SASH1: variants seen among roughly 807,000 people sequenced by gnomAD.
The protein encoded by SASH1 is SAM and SH3 domain-containing protein 1.
In SASH1, 44 loss-of-function variants were observed where a neutral mutation model predicts 125.2. The observed-to-expected ratio is 0.35, with a 90% CI of 0.28 to 0.45. SASH1 has a LOEUF of 0.45. SASH1 is among the 20% of genes least tolerant of loss of function. SASH1 has a pLI of 1.00. For missense variants in SASH1, 1,426 were observed against 1,614.5 expected, an observed-to-expected ratio of 0.88 and a Z score of 2.00; for synonymous variants, 639 against 649.1, an observed-to-expected ratio of 0.98 and a Z score of 0.24.
chr6:148,526,798 ATTCGG>A (rs1781190803), intron 11 of SASH1, among the ~76,000 whole-genome samples: 1 of 152,074 alleles, frequency 6.6e-6, no homozygotes, highest in African/African-American at 2.4e-5. Flanking sequence ...TCTCCAGGCA[ATTCGG>A]TAGTATTATC....
chr6:148,472,816 C>T (rs975277636), intron 6 of SASH1, among the ~76,000 whole-genome samples: 7 of 152,178 alleles, frequency 4.6e-5, no homozygotes, highest in African/African-American at 1.7e-4. Flanking sequence ...AGACTCTTTC[C>T]CTCTGTCTCT....
chr6:148,519,422 A>T lies in SASH1; in HGVS notation c.863-125A>T. Reference sequence around the variant, plus strand: ...ACAGTGTATTTTCATTTTTCTGTACATATGTAAGTGGGAGCTGGGTTTATA... The same window carrying T: ...ACAGTGTATTTTCATTTTTCTGTACTTATGTAAGTGGGAGCTGGGTTTATA... On this transcript the variant is annotated intron_variant, in intron 9 of 19. Coordinates refer to ENST00000367467, the MANE Select transcript of SASH1 (RefSeq NM_015278.5). The surrounding 1 kb of genome is among the most constrained non-coding windows in gnomAD (Gnocchi z 4.8). 1.5e-6 allele frequency: 1 copy of T among 664,416 alleles called. No homozygotes were observed. The highest frequency in any genetic ancestry group is 2.6e-6 in the Non-Finnish European group (1 of 378,046). The allele number at this position is 664,416 out of a possible 1,614,324, so 41.2% of individuals were successfully genotyped here.
upstream of SASH1, among the ~76,000 whole-genome samples, chr6:148,268,310 A>C (rs1385670963): frequency 6.6e-6 from 1 of 152,196 alleles, no homozygotes. Context: ...ACACAACTAA[A>C]TTTTTATTAT....
At chr6:148,521,588 A>C (rs1780814312) in intron 10 of SASH1, among the ~76,000 whole-genome samples, 1 of 152,218 alleles carries the variant, frequency 6.6e-6, no homozygotes, top group Non-Finnish European at 1.5e-5. Flanking sequence ...CAGCACTTTT[A>C]ATACTACTAG....
chr6:148,476,439 T>G (rs1339476852), intron 7 of SASH1, among the ~76,000 whole-genome samples: 2 of 152,190 alleles, frequency 1.3e-5, no homozygotes. Context: ...TCTTACACTT[T>G]GGGAGGCCGA....
chr6:148,212,427 G>A, the SASH1 span, among the ~76,000 whole-genome samples: 1 of 152,146 alleles, frequency 6.6e-6, no homozygotes, highest in South Asian at 2.1e-4. Context: ...ACCAACAATT[G>A]TTGACAAAAG....
chr6:148,353,182 C>A lies in SASH1; in HGVS notation c.156+9959C>A, dbSNP rs563215933. Reference sequence around the variant, plus strand: ...TCCCTGTGCTCAAGGGATTCACCTGCCTCAGCCTCCCAGTAGCTGAGACTA... The same window carrying A: ...TCCCTGTGCTCAAGGGATTCACCTGACTCAGCCTCCCAGTAGCTGAGACTA... On this transcript the variant is annotated intron_variant, in intron 1 of 19. Coordinates refer to ENST00000367467, the MANE Select transcript of SASH1 (RefSeq NM_015278.5). Among the ~76,000 whole-genome samples the A allele has an allele frequency of 5.9e-5, 9 of 152,150 alleles. No individual in the cohort carries two copies. In the South Asian group the frequency reaches 1.2e-3, roughly 21 times the overall value.
At chr6:148,235,718 T>G in the SASH1 span, among the ~76,000 whole-genome samples, 512 of 152,224 alleles carry the variant, frequency 3.4e-3, 3 homozygotes, top group African/African-American at 0.011. Context: ...CAGTAAATAA[T>G]TGTAGATGCA....
chr6:148,229,144 A>AC, the SASH1 span, among the ~76,000 whole-genome samples: 37 of 118,004 alleles, frequency 3.1e-4, no homozygotes, highest in African/African-American at 1.1e-3. Context: ...AAAAAAAAAA[A>AC]AAAAAAAAAA....
chr6:148,225,921 A>G, the SASH1 span, among the ~76,000 whole-genome samples: 1 of 152,242 alleles, frequency 6.6e-6, no homozygotes, highest in East Asian at 1.9e-4. Context: ...TCATTCTTAG[A>G]GAAAGCTGTT....
chr6:148,307,070 TTC>T (rs1403591858), intron 1 of SASH1, among the ~76,000 whole-genome samples: 4 of 146,274 alleles, frequency 2.7e-5, no homozygotes, highest in Non-Finnish European at 1.5e-5. Context: ...CTTTCTTTCT[TTC>T]TTTCTTTCTT....
chr6:148,207,234 A>G, the SASH1 span, among the ~76,000 whole-genome samples: 3 of 152,202 alleles, frequency 2.0e-5, no homozygotes, highest in African/African-American at 7.2e-5. Flanking sequence ...TTGCCAGCGC[A>G]GTATACCCAA....
chr6:148,451,324 G>A (rs1562422005), intron 4 of SASH1, among the ~76,000 whole-genome samples: 1 of 152,166 alleles, frequency 6.6e-6, no homozygotes, highest in African/African-American at 2.4e-5. Flanking sequence ...CCAGACTGAC[G>A]GTGTGAATAA....
At chr6:148,200,486 G>A in the SASH1 span, among the ~76,000 whole-genome samples, 1 of 152,208 alleles carries the variant, frequency 6.6e-6, no homozygotes. Context: ...CCTCTGCTGT[G>A]TTTCTGTCCA....
chr6:148,486,169 G>A (rs1299788498), intron 7 of SASH1, among the ~76,000 whole-genome samples: 1 of 152,130 alleles, frequency 6.6e-6, no homozygotes, highest in Non-Finnish European at 1.5e-5. Context: ...CGCCCGGGCT[G>A]GAGTGCAGTG....
chr6:148,223,521 T>C, the SASH1 span, among the ~76,000 whole-genome samples: 3 of 152,216 alleles, frequency 2.0e-5, no homozygotes, highest in Non-Finnish European at 4.4e-5. Context: ...CAGCAATCCA[T>C]TGACTGTTTG....
chr6:148,506,221 C>T (rs959587504), intron 8 of SASH1, among the ~76,000 whole-genome samples: 1 of 151,844 alleles, frequency 6.6e-6, no homozygotes, highest in Non-Finnish European at 1.5e-5. Flanking sequence ...CGCCTGTAGT[C>T]CCAGCACTTT....
the SASH1 span, among the ~76,000 whole-genome samples, chr6:148,244,768 C>G: frequency 6.6e-6 from 1 of 152,220 alleles, no homozygotes; most frequent in East Asian, 1.9e-4. Context: ...CTTCTCTAAG[C>G]ATAGGCCCCA....
At chr6:148,415,912 C>G (rs1264367562) in intron 2 of SASH1, among the ~76,000 whole-genome samples, 1 of 152,222 alleles carries the variant, frequency 6.6e-6, no homozygotes, top group Non-Finnish European at 1.5e-5. Flanking sequence ...GACCTGCTCT[C>G]ATTAATTAAA....
Sources: allele counts gnomAD v4.1 joint callset (sites outside exome capture counted in the v4.1 genomes callset), GRCh38; gene constraint gnomAD v4.1.1; non-coding constraint Gnocchi (gnomAD v3.1); transcripts MANE v1.5; gene names NCBI Gene and HGNC (gene_info 2026-07-23, HGNC 2026-07-21).